Variants in DNAH7 observed in about 807,000 individuals in gnomAD.
DNAH7 encodes the protein axonemal beta dynein heavy chain 7.
In DNAH7, 397 loss-of-function variants were observed where a neutral mutation model predicts 444.6. That is an observed-to-expected ratio of 0.89 (90% CI 0.82 to 0.97). The LOEUF (loss-of-function observed/expected upper bound fraction) is 0.97, where lower values mean the gene tolerates loss of function less well. Among genes scored for constraint, DNAH7 ranks in the 50% least tolerant of loss-of-function variants. The pLI, the probability that DNAH7 is intolerant of heterozygous loss-of-function variation, is 0.00. For synonymous variants in DNAH7, 1,636 were observed against 1,624.4 expected (o/e 1.01, Z -0.17); for missense variants, 4,902 against 4,800.8 (o/e 1.02, Z -0.62).
At chr2:195,846,950 T>C (rs1159361639) in intron 46 of DNAH7, among the ~76,000 whole-genome samples, 1 of 66,900 alleles carries the variant, frequency 1.5e-5, no homozygotes, top group Admixed American at 1.4e-4. Context: ...CTCCCATATA[T>C]GTGTGTGTGT....
At chr2:195,798,629 A>C (rs1305942191) in intron 55 of DNAH7, among the ~76,000 whole-genome samples, 8 of 142,448 alleles carry the variant, frequency 5.6e-5, no homozygotes, top group African/African-American at 2.1e-4. Flanking sequence ...CTGCAAGCTC[A>C]GCCTCCTGGG....
intron 58 of DNAH7, among the ~76,000 whole-genome samples, chr2:195,780,619 C>A (rs1695324276): frequency 2.0e-5 from 3 of 151,918 alleles, no homozygotes; most frequent in Admixed American, 1.3e-4. Flanking sequence ...TGTGGTGGAG[C>A]AAGCACCTGT....
In DNAH7 at chr2:195,922,096, T is replaced by G; in HGVS notation, c.3927A>C (p.Arg1309Ser). 1 of 1,586,708 alleles carries G rather than the reference T, an allele frequency of 6.3e-7. No homozygotes were observed. ...TAAATTAAAGGGTTTACCTGTAACA[T>G]CTATCCGTGAGTGGTGTAATAACCA... ...PRLVITPLTDRCYRTLFGALH... is the reference protein window; with the variant it reads ...PRLVITPLTDSCYRTLFGALH... The change falls in exon 24 of 65, where the codon AGA (arginine) becomes AGC (serine). Residue 1309 changes from arginine (R) to serine (S), a missense_variant. Arg to Ser is a moderately radical substitution (Grantham distance 110). Coordinates refer to ENST00000312428, the MANE Select transcript of DNAH7 (RefSeq NM_018897.3).
intron 2 of DNAH7, among the ~76,000 whole-genome samples, chr2:196,052,617 C>T (rs149576748): frequency 6.6e-6 from 1 of 152,118 alleles, no homozygotes; most frequent in African/African-American, 2.4e-5. Flanking sequence ...ATGCCTATTA[C>T]GTAGATAAGA....
chr2:195,984,506 C>G, intron 15 of DNAH7, 126 bp downstream of exon 15: 1 of 940,390 alleles, frequency 1.1e-6, no homozygotes, highest in East Asian at 2.6e-5. Context: ...TGCCACCACA[C>G]CCAGCTAATT....
chr2:195,742,721 G>A, intron 63 of DNAH7, among the ~76,000 whole-genome samples: 1 of 152,148 alleles, frequency 6.6e-6, no homozygotes, highest in East Asian at 1.9e-4. Context: ...GGTTTTTCTA[G>A]TTCCTCTCTT....
chr2:196,055,647 G>T, intron 2 of DNAH7, among the ~76,000 whole-genome samples: 1 of 152,240 alleles, frequency 6.6e-6, no homozygotes, highest in East Asian at 1.9e-4. Context: ...GAGAATGAGG[G>T]TGTGGCAAAG....
intron 19 of DNAH7, among the ~76,000 whole-genome samples, chr2:195,955,436 T>C (rs1298888929): frequency 6.6e-6 from 1 of 152,190 alleles, no homozygotes; most frequent in African/African-American, 2.4e-5. Flanking sequence ...AGCCTTGTAG[T>C]ATAGTTTGAA....
At chr2:195,997,216 A>G (rs1456074995) in intron 12 of DNAH7, among the ~76,000 whole-genome samples, 2 of 152,282 alleles carry the variant, frequency 1.3e-5, no homozygotes, top group Middle Eastern at 3.4e-3. Flanking sequence ...ACTATATTAG[A>G]AAGTATAATT....
In DNAH7 at chr2:195,922,209, C is replaced by A. The variant is rs754721680; in HGVS notation, c.3826-12G>T. ...TCTAAATGATTTTCCTAGGATAAAT[C>A]AAATAAAATGAAGTTAAACAATAAA... On this transcript the variant is annotated splice_polypyrimidine_tract_variant and intron_variant, in intron 23 of 64. Transcript: ENST00000312428. The A allele has an allele frequency of 4.1e-6, 6 of 1,471,814 alleles. No individual in the cohort carries two copies. The East Asian group carries it at 9.1e-5, about 22-fold the overall frequency. 91.2% of individuals were successfully genotyped at this position (1,471,814 alleles called of 1,614,324 possible).
intron 35 of DNAH7, among the ~76,000 whole-genome samples, chr2:195,882,673 T>C (rs1351078592): frequency 1.3e-5 from 2 of 152,210 alleles, no homozygotes; most frequent in Non-Finnish European, 2.9e-5. Context: ...TGACAGTGTT[T>C]ATAACAAAAA....
intron 36 of DNAH7, among the ~76,000 whole-genome samples, chr2:195,879,111 G>C (rs982399155): frequency 6.6e-6 from 1 of 152,016 alleles, no homozygotes; most frequent in Non-Finnish European, 1.5e-5. Context: ...AATGTTTAAA[G>C]CATATAAAAA....
In DNAH7 at chr2:195,834,366, A is replaced by G. The variant is rs976765227; in HGVS notation, c.8946-6T>C. ...GAGGCCACCTTCTTGCATTCCTGAA[A>G]AGGAGGAGAAAGACGATGCTGGTCA... On this transcript the variant is annotated splice_region_variant and splice_polypyrimidine_tract_variant and intron_variant, in intron 47 of 64. Transcript: ENST00000312428. The G allele has an allele frequency of 2.5e-6, 4 of 1,584,254 alleles. No individual in the cohort carries two copies. The African/African-American group carries it at 5.4e-5, about 21-fold the overall frequency.
At position 195,988,225 on chromosome 2, in the gene DNAH7, C is replaced by G; in HGVS notation, c.1358G>C (p.Ser453Thr). The change falls in exon 13 of 65, where the codon AGT (serine) becomes ACT (threonine). Residue 453 changes from serine to threonine, a missense_variant. By Grantham distance (58) the Ser-to-Thr change is moderately conservative (BLOSUM62 1). Coordinates refer to ENST00000312428, the MANE Select transcript of DNAH7 (RefSeq NM_018897.3). ...CTTCAAGGTTGTTGGTTTAGACTTA[C>G]TTTCCTAAACAAGGGGGTAAAAATA... ...VETKLYSKWESKSKPTTLKPI... is the reference protein window; with the variant it reads ...VETKLYSKWETKSKPTTLKPI... The G allele has an allele frequency of 6.3e-7, 1 of 1,592,942 alleles. No homozygotes were observed.
chr2:195,981,886 T>G (rs1376877968), intron 15 of DNAH7, among the ~76,000 whole-genome samples: 1 of 152,150 alleles, frequency 6.6e-6, no homozygotes, highest in African/African-American at 2.4e-5. Flanking sequence ...GGAGAAACTT[T>G]CCAGGAACTT....
intron 9 of DNAH7, among the ~76,000 whole-genome samples, chr2:196,013,220 A>C (rs547718628): frequency 6.6e-6 from 1 of 152,276 alleles, no homozygotes; most frequent in South Asian, 2.1e-4. Flanking sequence ...GAAAAGAGGG[A>C]GGGCTCAATG....
chr2:196,050,725 T>C (rs1697412978), intron 3 of DNAH7, among the ~76,000 whole-genome samples: 1 of 152,226 alleles, frequency 6.6e-6, no homozygotes, highest in Non-Finnish European at 1.5e-5. Context: ...ATAGTCAAAA[T>C]AATGAAAAAA....
chr2:195,990,936 AATAT>A (rs994645491), intron 12 of DNAH7, among the ~76,000 whole-genome samples: 3 of 145,318 alleles, frequency 2.1e-5, no homozygotes, highest in African/African-American at 7.6e-5. Flanking sequence ...TATATACTTA[AATAT>A]ATATACATAT....
chr2:195,958,681 A>C (rs1391439599), intron 18 of DNAH7, among the ~76,000 whole-genome samples: 1 of 152,224 alleles, frequency 6.6e-6, no homozygotes, highest in African/African-American at 2.4e-5. Flanking sequence ...GAATATAGAT[A>C]ATGATTTAAT....
Sources: allele counts gnomAD v4.1 joint callset (sites outside exome capture counted in the v4.1 genomes callset), GRCh38; gene constraint gnomAD v4.1.1; transcripts MANE v1.5; gene names NCBI Gene and HGNC (gene_info 2026-07-23, HGNC 2026-07-21).